Variants in PPP2R2B observed in about 807,000 individuals in gnomAD.
The protein encoded by PPP2R2B is protein phosphatase 2 regulatory subunit Bbeta, also known as serine/threonine-protein phosphatase 2A 55 kDa regulatory subunit B beta isoform.
In PPP2R2B, 5 loss-of-function variants were observed where a neutral mutation model predicts 46.0. The ratio of observed to expected loss-of-function variants is 0.11; its 90% CI spans 0.06 to 0.23. The LOEUF (loss-of-function observed/expected upper bound fraction) is 0.23. Ranked by LOEUF, PPP2R2B falls within the 10% of genes least tolerant of loss-of-function variation. The probability of loss-of-function intolerance (pLI) is 1.00; values close to 1 mark genes in which losing one functional copy is unlikely to be tolerated. For synonymous variants in PPP2R2B, 215 were observed against 206.7 expected (o/e 1.04, Z -0.34); for missense variants, 367 against 575.0 (o/e 0.64, Z 3.70).
At chr5:146,675,929 A>G (rs535638231) in intron 5 of PPP2R2B, among the ~76,000 whole-genome samples, 9 of 152,100 alleles carry the variant, frequency 5.9e-5, no homozygotes, top group Admixed American at 5.2e-4. Flanking sequence ...CTCCTGCCCC[A>G]GGACTAATCG....
intron 2 of PPP2R2B, among the ~76,000 whole-genome samples, chr5:146,833,697 G>A (rs538986147): frequency 7.2e-5 from 11 of 151,944 alleles, no homozygotes; most frequent in Non-Finnish European, 1.6e-4. Context: ...AGTGTCAGGC[G>A]GGCCGTGTCT....
chr5:146,668,219 CA>C lies in PPP2R2B; in HGVS notation c.448-17496del, dbSNP rs761472322. On this transcript the variant is annotated intron_variant, in intron 5 of 9. Transcript: ENST00000394411. ...TCTCTAGCTTCCTTCTTCAACCTGT[CA>C]CTATTTTGACAACCCTCCTGGAATC... 1.4e-4 allele frequency among the ~76,000 whole-genome samples: 21 copies of C among 152,268 alleles called. No homozygotes were observed. In the South Asian group the frequency reaches 1.9e-3, roughly 14 times the overall value.
At chr5:147,001,815 G>A (rs573002915) in intron 1 of PPP2R2B, among the ~76,000 whole-genome samples, 1 of 152,242 alleles carries the variant, frequency 6.6e-6, no homozygotes, top group East Asian at 1.9e-4. Flanking sequence ...TTCTGAGAAA[G>A]GGCTTTCTAA....
At chr5:146,820,389 A>T (rs140561893) in intron 2 of PPP2R2B, among the ~76,000 whole-genome samples, 207 of 152,350 alleles carry the variant, frequency 1.4e-3, no homozygotes, top group African/African-American at 4.9e-3. Context: ...ATGCTAGGTA[A>T]AATGGAGCAG....
chr5:146,737,687 A>G (rs1752621276), intron 2 of PPP2R2B, among the ~76,000 whole-genome samples: 1 of 152,184 alleles, frequency 6.6e-6, no homozygotes, highest in East Asian at 1.9e-4. Context: ...TAAGCCTTTC[A>G]TCCCAGTGAA....
At chr5:146,798,217 C>CT (rs1756659218) in intron 2 of PPP2R2B, among the ~76,000 whole-genome samples, 1 of 152,108 alleles carries the variant, frequency 6.6e-6, no homozygotes, top group Non-Finnish European at 1.5e-5. Context: ...ATCCCAATTT[C>CT]TTTCACTCGG....
chr5:146,702,164 G>A (rs1333865599), intron 2 of PPP2R2B, among the ~76,000 whole-genome samples: 6 of 151,916 alleles, frequency 3.9e-5, no homozygotes, highest in Non-Finnish European at 7.4e-5. Flanking sequence ...ACAGTGAGGT[G>A]GAAAACTAAG....
intron 1 of PPP2R2B, among the ~76,000 whole-genome samples, chr5:146,938,345 T>G (rs1764219294): frequency 6.6e-6 from 1 of 152,172 alleles, no homozygotes; most frequent in African/African-American, 2.4e-5. Flanking sequence ...AATTCTAAAA[T>G]GTACTGATTC....
At chr5:146,634,341 A>G (rs1040009141) in intron 7 of PPP2R2B, among the ~76,000 whole-genome samples, 1 of 151,708 alleles carries the variant, frequency 6.6e-6, no homozygotes, top group South Asian at 2.1e-4. Context: ...GGTTTTGTTT[A>G]TTTATTTTTT....
At chr5:146,763,539 T>C (rs1191011082) in intron 2 of PPP2R2B, among the ~76,000 whole-genome samples, 2 of 152,212 alleles carry the variant, frequency 1.3e-5, no homozygotes, top group African/African-American at 2.4e-5. Flanking sequence ...TGGTAGCTTA[T>C]TACAACTGCT....
chr5:147,053,070 A>AT (rs950716444), intron 1 of PPP2R2B, among the ~76,000 whole-genome samples: 1 of 151,954 alleles, frequency 6.6e-6, no homozygotes, highest in Admixed American at 6.6e-5. Context: ...TTTTGAATGT[A>AT]TTTTTTTGCA....
At chr5:146,712,021 G>T (rs946435143) in intron 2 of PPP2R2B, among the ~76,000 whole-genome samples, 1 of 152,288 alleles carries the variant, frequency 6.6e-6, no homozygotes, top group South Asian at 2.1e-4. Context: ...TTGTTAAACT[G>T]TAGGTGGGCC....
intron 2 of PPP2R2B, among the ~76,000 whole-genome samples, chr5:146,772,938 C>T (rs1419069207): frequency 1.2e-4 from 18 of 152,172 alleles, no homozygotes; most frequent in Non-Finnish European, 2.9e-5. Flanking sequence ...TACTAAGGCT[C>T]CTCTGCCTGT....
At chr5:147,061,620 C>A (rs529273772) in intron 2 of PPP2R2B, among the ~76,000 whole-genome samples, 10 of 152,116 alleles carry the variant, frequency 6.6e-5, no homozygotes, top group South Asian at 6.2e-4. Flanking sequence ...GATTGGCAGT[C>A]TGGACTGATG....
chr5:146,774,660 T>C (rs1755066584), intron 2 of PPP2R2B, among the ~76,000 whole-genome samples: 1 of 151,486 alleles, frequency 6.6e-6, no homozygotes. Context: ...CTACTAAAAG[T>C]ACAAAAATTA....
intron 7 of PPP2R2B, among the ~76,000 whole-genome samples, chr5:146,629,750 C>T (rs1174538532): frequency 1.3e-5 from 2 of 151,348 alleles, no homozygotes; most frequent in African/African-American, 4.9e-5. Flanking sequence ...TTCCTCCCTC[C>T]CTCCCCTTTT....
chr5:146,874,402 G>C (rs925441910), intron 2 of PPP2R2B, among the ~76,000 whole-genome samples: 1 of 152,180 alleles, frequency 6.6e-6, no homozygotes, highest in Non-Finnish European at 1.5e-5. Context: ...TTTTAAAAAG[G>C]CTTCTGAGGG....
chr5:147,017,082 GCAAA>G (rs1052038646), intron 1 of PPP2R2B, among the ~76,000 whole-genome samples: 1 of 151,458 alleles, frequency 6.6e-6, no homozygotes, highest in African/African-American at 2.4e-5. Context: ...AAGAATAAAG[GCAAA>G]CAAACAAAAA....
intron 2 of PPP2R2B, among the ~76,000 whole-genome samples, chr5:146,810,548 G>T (rs1757467566): frequency 6.6e-6 from 1 of 152,114 alleles, no homozygotes; most frequent in Non-Finnish European, 1.5e-5. Context: ...CTCAGATAGA[G>T]CAAGTAATTT....
Sources: allele counts gnomAD v4.1 joint callset (sites outside exome capture counted in the v4.1 genomes callset), GRCh38; gene constraint gnomAD v4.1.1; transcripts MANE v1.5; gene names NCBI Gene and HGNC (gene_info 2026-07-23, HGNC 2026-07-21).